The following ICA1 variants were observed in gnomAD, a reference collection of about 807,000 sequenced individuals.
ICA1 encodes the protein 69 kDa islet cell autoantigen.
In ICA1, 40 loss-of-function variants were observed where a neutral mutation model predicts 71.0. The ratio of observed to expected loss-of-function variants is 0.56; its 90% confidence interval spans 0.44 to 0.73. The LOEUF is 0.73. Among genes scored for constraint, ICA1 ranks in the 30% least tolerant of loss-of-function variants. The pLI is 0.00. For missense variants in ICA1, 578 were observed against 576.5 expected, an observed-to-expected ratio of 1.00 and a Z score of -0.03; for synonymous variants, 207 against 209.5, an observed-to-expected ratio of 0.99 and a Z score of 0.10.
chr7:8,239,212 T>A (rs1461098717), intron 1 of ICA1, among the ~76,000 whole-genome samples: 1 of 152,236 alleles, frequency 6.6e-6, no homozygotes, highest in African/African-American at 2.4e-5. Flanking sequence ...TCTTAAGATT[T>A]CCTGACATAA....
chr7:8,157,092 T>C (rs1801875656), intron 8 of ICA1, 24 bp downstream of exon 8: 1 of 1,614,104 alleles, frequency 6.2e-7, no homozygotes, highest in African/African-American at 1.3e-5. Flanking sequence ...CAAGATTTTC[T>C]AGTGGCCCCT....
intron 1 of ICA1, among the ~76,000 whole-genome samples, chr7:8,249,468 T>A (rs983321346): frequency 6.6e-6 from 1 of 152,216 alleles, no homozygotes; most frequent in African/African-American, 2.4e-5. Flanking sequence ...AGCATTTAGA[T>A]ATACTCTAGC....
chr7:8,184,545 A>C (rs899523229), intron 6 of ICA1, among the ~76,000 whole-genome samples: 1 of 152,190 alleles, frequency 6.6e-6, no homozygotes, highest in Non-Finnish European at 1.5e-5. Flanking sequence ...ATATCACAAT[A>C]TATAAATCAC....
intron 1 of ICA1, among the ~76,000 whole-genome samples, chr7:8,259,138 A>G (rs1258330578): frequency 2.0e-5 from 3 of 152,244 alleles, no homozygotes; most frequent in Non-Finnish European, 4.4e-5. Context: ...CTGGGACACT[A>G]AAGTTTGAGA....
At position 8,248,036 on chromosome 7, in the gene ICA1, C is replaced by T. The variant is rs538974485; in HGVS notation, c.-79-12031G>A. On this transcript the variant is annotated intron_variant, in intron 1 of 13. Transcript: ENST00000402384. Reference sequence around the variant, plus strand: ...AGAGAAGCAGAAATGTGTGCCTCCTCGTCAGTTTATTAGATCAACTATTTC... The same window carrying T: ...AGAGAAGCAGAAATGTGTGCCTCCTTGTCAGTTTATTAGATCAACTATTTC... Among the ~76,000 whole-genome samples the T allele has an allele frequency of 1.2e-4, 19 of 152,298 alleles. No individual in the cohort carries two copies. The East Asian group carries it at 1.9e-3, about 15-fold the overall frequency.
intron 13 of ICA1, among the ~76,000 whole-genome samples, chr7:8,122,069 G>A (rs1787187406): frequency 6.6e-6 from 1 of 152,172 alleles, no homozygotes; most frequent in Admixed American, 6.5e-5. Flanking sequence ...GATACTGAAG[G>A]ATGAGAAGTT....
intron 6 of ICA1, among the ~76,000 whole-genome samples, chr7:8,198,363 G>T (rs1454724369): frequency 6.6e-6 from 1 of 152,210 alleles, no homozygotes; most frequent in African/African-American, 2.4e-5. Context: ...TGATGTTATT[G>T]CAACAGAAAA....
chr7:8,144,796 C>T lies in ICA1; in HGVS notation c.805-824G>A, dbSNP rs1042469119. Among the ~76,000 whole-genome samples, 2 of 152,154 alleles carry T rather than the reference C, an allele frequency of 1.3e-5. No individual in the cohort carries two copies. Among genetic ancestry groups the T allele is most frequent in the Non-Finnish European group, 2.9e-5 (2 of 68,024 alleles). ...TACAAACCTATAAATACAAAATAAACATCTCAGGATACTTATCCTTCTTAT... is the reference window on the plus strand; with the variant it reads ...TACAAACCTATAAATACAAAATAAATATCTCAGGATACTTATCCTTCTTAT... On this transcript the variant is annotated intron_variant, in intron 8 of 13. Coordinates refer to ENST00000402384, the MANE Select transcript of ICA1 (RefSeq NM_001136020.3). This position sits in a 1 kb window ranked among gnomAD's most constrained non-coding sequence, Gnocchi z 4.5.
rs1388061415 is a variant in ICA1 at position 8,144,417 on chromosome 7, T to C, written c.805-445A>G. Among the ~76,000 whole-genome samples, 1 of 152,226 alleles carries C rather than the reference T, an allele frequency of 6.6e-6. No homozygotes were observed. Among genetic ancestry groups the C allele is most frequent in the East Asian group, 1.9e-4 (1 of 5,200 alleles). On this transcript the variant is annotated intron_variant, in intron 8 of 13. Coordinates refer to ENST00000402384, the MANE Select transcript of ICA1 (RefSeq NM_001136020.3). The surrounding 1 kb of genome is among the most constrained non-coding windows in gnomAD (Gnocchi z 4.5). ...CGATTTCATTTTGTTTTAAATTTTG[T>C]TTGCTATTTTGCAATCTAAAACCCA... is the stretch of plus-strand genomic sequence containing the variant.
At chr7:8,158,177 C>T (rs7778870) in intron 7 of ICA1, among the ~76,000 whole-genome samples, 22,374 of 152,078 alleles carry the variant, frequency 0.15, 3,136 homozygotes, top group African/African-American at 0.37. Context: ...ACAGACACAA[C>T]GCTAAGTGAG....
intron 13 of ICA1, among the ~76,000 whole-genome samples, chr7:8,121,024 C>A (rs546728452): frequency 6.6e-6 from 1 of 152,190 alleles, no homozygotes; most frequent in African/African-American, 2.4e-5. Context: ...AGTTTCCATG[C>A]CTGCAAGGGG....
At chr7:8,231,974 C>T (rs1317773995) in intron 3 of ICA1, among the ~76,000 whole-genome samples, 3 of 152,080 alleles carry the variant, frequency 2.0e-5, no homozygotes, top group Non-Finnish European at 2.9e-5. Flanking sequence ...GATATTATTC[C>T]TCTCAGTGCC....
intron 8 of ICA1, among the ~76,000 whole-genome samples, chr7:8,149,522 A>G (rs115736834): frequency 1.1e-3 from 166 of 152,328 alleles, no homozygotes; most frequent in African/African-American, 3.7e-3. Context: ...AGCTTAATAT[A>G]ATAATGGGAG....
chr7:8,124,012 GA>G (rs1788044820), intron 13 of ICA1, among the ~76,000 whole-genome samples: 1 of 151,864 alleles, frequency 6.6e-6, no homozygotes, highest in African/African-American at 2.4e-5. Context: ...TCATCCATGT[GA>G]AAAGCACACA....
rs1796309700 is a variant in ICA1 at position 8,219,258 on chromosome 7, T to C, written c.381-755A>G. On this transcript the variant is annotated intron_variant, in intron 5 of 13. Transcript: ENST00000402384. ...GGGGAAAAACACTGCTTCTTCCATC[T>C]CCCTACCCAAAAATGAGCAATGTCA... Among the ~76,000 whole-genome samples, 4 of 152,360 alleles carry C rather than the reference T, an allele frequency of 2.6e-5. No individual in the cohort carries two copies. The South Asian group carries it at 8.3e-4, about 32-fold the overall frequency.
At chr7:8,210,993 C>T (rs1194946357) in intron 6 of ICA1, among the ~76,000 whole-genome samples, 2 of 152,172 alleles carry the variant, frequency 1.3e-5, no homozygotes, top group Non-Finnish European at 2.9e-5. Context: ...TGGAAGTCAC[C>T]TGCACTTTGG....
In ICA1 at chr7:8,219,047, G is replaced by A. The variant is rs368190090; in HGVS notation, c.381-544C>T. Reference sequence around the variant, plus strand: ...CCAGCACATTTACTGAGAGGCTGTCGTGTGTTAGCACTTTCAGATAGGTTA... The same window carrying A: ...CCAGCACATTTACTGAGAGGCTGTCATGTGTTAGCACTTTCAGATAGGTTA... On this transcript the variant is annotated intron_variant, in intron 5 of 13. Transcript: ENST00000402384. The A allele has an allele frequency of 2.0e-4, 34 of 171,444 alleles. No homozygotes were observed. The South Asian group carries it at 3.1e-3, about 16-fold the overall frequency. 10.6% of individuals were successfully genotyped at this position (171,444 alleles called of 1,614,324 possible).
intron 6 of ICA1, among the ~76,000 whole-genome samples, chr7:8,197,051 C>G (rs1787853519): frequency 6.6e-6 from 1 of 151,634 alleles, no homozygotes; most frequent in Admixed American, 6.6e-5. Flanking sequence ...TTGGGTATAT[C>G]TTTATTAGCA....
intron 1 of ICA1, among the ~76,000 whole-genome samples, chr7:8,256,703 A>G (rs964567293): frequency 3.9e-5 from 6 of 152,060 alleles, no homozygotes; most frequent in Admixed American, 2.0e-4. Context: ...GGAGCTAATT[A>G]CATCTGTATC....
Sources: gnomAD v4.1 joint callset for allele counts (sites outside exome capture counted in the v4.1 genomes callset) on GRCh38, gnomAD v4.1.1 for gene constraint, Gnocchi (gnomAD v3.1) non-coding constraint, MANE v1.5 for transcripts, NCBI Gene and HGNC (gene_info 2026-07-23, HGNC 2026-07-21) for gene names.